Variants in CTNNA3 observed in about 807,000 individuals in gnomAD.
CTNNA3 encodes the protein catenin alpha 3.
In CTNNA3, 76 loss-of-function variants were observed where a neutral mutation model predicts 95.7. The ratio of observed to expected loss-of-function variants is 0.79; its 90% CI spans 0.66 to 0.96. CTNNA3 has a LOEUF of 0.96. Ranked by LOEUF, CTNNA3 falls within the 40% of genes least tolerant of loss-of-function variation. CTNNA3 has a pLI of 0.00. For missense variants in CTNNA3, 1,191 were observed against 1,089.8 expected, an observed-to-expected ratio of 1.09 and a Z score of -1.31; for synonymous variants, 431 against 374.4, an observed-to-expected ratio of 1.15 and a Z score of -1.74.
intron 5 of CTNNA3, among the ~76,000 whole-genome samples, chr10:67,509,969 TG>T (rs745725162): frequency 1.3e-5 from 2 of 152,252 alleles, no homozygotes; most frequent in Non-Finnish European, 2.9e-5. Context: ...TTCATGTGTC[TG>T]TTGGCTGCAT....
At chr10:67,759,807 GC>G (rs918142802) in intron 1 of CTNNA3, among the ~76,000 whole-genome samples, 1 of 152,034 alleles carries the variant, frequency 6.6e-6, no homozygotes, top group Non-Finnish European at 1.5e-5. Flanking sequence ...AACTGAAAAC[GC>G]CCCCCTACTG....
At chr10:66,743,974 C>CAAAAAAA (rs536825430) in intron 9 of CTNNA3, among the ~76,000 whole-genome samples, 12 of 44,992 alleles carry the variant, frequency 2.7e-4, no homozygotes, top group Admixed American at 6.0e-4. Context: ...GATTCCATCT[C>CAAAAAAA]AAAAAAAAAA....
intron 7 of CTNNA3, among the ~76,000 whole-genome samples, chr10:67,063,333 T>C (rs139528635): frequency 1.4e-3 from 217 of 152,324 alleles, no homozygotes; most frequent in African/African-American, 5.0e-3. Context: ...TAGCCTGAGA[T>C]AGGACAAAAC....
intron 17 of CTNNA3, among the ~76,000 whole-genome samples, chr10:65,934,891 C>G (rs2077311448): frequency 6.6e-6 from 1 of 152,010 alleles, no homozygotes; most frequent in South Asian, 2.1e-4. Flanking sequence ...AGCTCTGTAG[C>G]CTTTTAGAGA....
chr10:67,624,551 T>G (rs1169870192), intron 2 of CTNNA3, among the ~76,000 whole-genome samples: 1 of 152,194 alleles, frequency 6.6e-6, no homozygotes, highest in African/African-American at 2.4e-5. Context: ...TGAAATAAAT[T>G]TTGTGTGTCT....
intron 13 of CTNNA3, among the ~76,000 whole-genome samples, chr10:66,265,362 A>G (rs560406099): frequency 2.0e-5 from 3 of 152,108 alleles, no homozygotes; most frequent in East Asian, 3.9e-4. Flanking sequence ...CTTGATTAAC[A>G]TACTTTTGGA....
chr10:66,982,625 G>GA (rs1322008851), intron 7 of CTNNA3, among the ~76,000 whole-genome samples: 2 of 151,920 alleles, frequency 1.3e-5, no homozygotes, highest in African/African-American at 2.4e-5. Flanking sequence ...AATTGAAATA[G>GA]AAAAAAATTG....
intron 15 of CTNNA3, among the ~76,000 whole-genome samples, chr10:66,002,634 C>T (rs1228907645): frequency 2.0e-5 from 3 of 152,148 alleles, no homozygotes; most frequent in East Asian, 1.9e-4. Context: ...TGTTCAAGGA[C>T]CTAGGTACCC....
At chr10:66,844,838 C>A (rs996519588) in intron 7 of CTNNA3, among the ~76,000 whole-genome samples, 4 of 152,074 alleles carry the variant, frequency 2.6e-5, no homozygotes, top group Non-Finnish European at 5.9e-5. Flanking sequence ...TAAAGATAAC[C>A]CCCTACTATG....
intron 2 of CTNNA3, among the ~76,000 whole-genome samples, chr10:67,632,126 CCACACACA>C (rs71006156): frequency 0.039 from 5,422 of 139,038 alleles, 151 homozygotes; most frequent in African/African-American, 0.061. Context: ...AGTGTCTTAG[CCACACACA>C]CACACACACA....
rs992908986 is a variant in CTNNA3, at chr10:67,221,614, G to A, written c.580-1744C>T. 5.9e-5 allele frequency among the ~76,000 whole-genome samples: 9 copies of A among 151,620 alleles called. No individual in the cohort carries two copies. The South Asian group carries it at 1.0e-3, about 18-fold the overall frequency. Reference sequence around the variant, plus strand: ...TTTTATGACAGAGTCGCGCTCTGTCGCCGAGGCTGGAGTACAGTGGCGCGA... The same window carrying A: ...TTTTATGACAGAGTCGCGCTCTGTCACCGAGGCTGGAGTACAGTGGCGCGA... On this transcript the variant is annotated intron_variant, in intron 5 of 17. Coordinates refer to ENST00000433211, the MANE Select transcript of CTNNA3 (RefSeq NM_013266.4).
chr10:67,450,430 C>G (rs1846932893), intron 5 of CTNNA3, among the ~76,000 whole-genome samples: 1 of 152,160 alleles, frequency 6.6e-6, no homozygotes, highest in Non-Finnish European at 1.5e-5. Context: ...TACATATACA[C>G]CATTCAATGC....
In CTNNA3 at chr10:67,387,366, C is replaced by T. The variant is rs536512823; in HGVS notation, c.579+134476G>A. Among the ~76,000 whole-genome samples, 18 of 152,294 alleles carry T rather than the reference C, an allele frequency of 1.2e-4. No homozygotes were observed. The East Asian group carries it at 1.9e-3, about 16-fold the overall frequency. On this transcript the variant is annotated intron_variant, in intron 5 of 17. Coordinates refer to ENST00000433211, the MANE Select transcript of CTNNA3 (RefSeq NM_013266.4). ...CTTTTCCTAGGGGCTTAAAAAACGG[C>T]GCACCACGAGAGTATATCCCGCACC...
rs1840896135 is a variant in CTNNA3 at position 66,517,281 on chromosome 10, A to G, written c.1531+3336T>C. 3.9e-5 allele frequency among the ~76,000 whole-genome samples: 6 copies of G among 152,030 alleles called. No homozygotes were observed. In the South Asian group the frequency reaches 1.2e-3, roughly 32 times the overall value. The stretch of plus-strand genomic sequence containing the variant: ...CTGTCAGAGGCATGTGAATCAGAAC[A>G]ACTCCATCTTGAATAGGAGCTTGGT... On this transcript the variant is annotated intron_variant, in intron 11 of 17. Transcript: ENST00000433211.
chr10:67,162,171 CA>C (rs1174543109), intron 7 of CTNNA3, among the ~76,000 whole-genome samples: 1 of 151,952 alleles, frequency 6.6e-6, no homozygotes, highest in Non-Finnish European at 1.5e-5. Flanking sequence ...TACCATCAAC[CA>C]ACAGATTCTA....
In CTNNA3 at chr10:67,504,477, A is replaced by G. The variant is rs1589368203; in HGVS notation, c.579+17365T>C. On this transcript the variant is annotated intron_variant, in intron 5 of 17. Coordinates refer to ENST00000433211, the MANE Select transcript of CTNNA3 (RefSeq NM_013266.4). The stretch of plus-strand genomic sequence containing the variant: ...AAAAAAAAACAGAGTAACATTCATT[A>G]GAAGAACATAGAAGAAAGAAAAAAA... Among the ~76,000 whole-genome samples, 7 of 149,946 alleles carry G rather than the reference A, an allele frequency of 4.7e-5. No homozygotes were observed. The South Asian group carries it at 1.5e-3, about 32-fold the overall frequency.
chr10:67,199,977 G>C lies in CTNNA3; in HGVS notation c.844-19457C>G, dbSNP rs116518778. 7.1e-3 allele frequency among the ~76,000 whole-genome samples: 1,088 copies of C among 152,202 alleles called. 21 individuals carry two copies. The highest frequency in any genetic ancestry group is 0.025 in the African/African-American group (1,031 of 41,520). On this transcript the variant is annotated intron_variant, in intron 6 of 17. Coordinates refer to ENST00000433211, the MANE Select transcript of CTNNA3 (RefSeq NM_013266.4). ...ACTAGTTAACTACTACGAATACCAA[G>C]CAAAAGTATGGTAAGAATACTTTGC...
At chr10:67,227,523 C>A (rs1006030313) in intron 5 of CTNNA3, among the ~76,000 whole-genome samples, 10 of 152,118 alleles carry the variant, frequency 6.6e-5, no homozygotes, top group Non-Finnish European at 1.2e-4. Context: ...AACATATATG[C>A]AACACTGGAG....
intron 5 of CTNNA3, among the ~76,000 whole-genome samples, chr10:67,279,559 T>A (rs1487473711): frequency 7.2e-6 from 1 of 138,788 alleles, no homozygotes; most frequent in Non-Finnish European, 1.6e-5. Context: ...TAGGTATTTG[T>A]CTTGTGCTTG....
Sources: gnomAD v4.1 joint callset for allele counts (sites outside exome capture counted in the v4.1 genomes callset) on GRCh38, gnomAD v4.1.1 for gene constraint, MANE v1.5 for transcripts, NCBI Gene and HGNC (gene_info 2026-07-23, HGNC 2026-07-21) for gene names.